The following PARG variants were observed in gnomAD, a reference collection of about 807,000 sequenced individuals.
The protein encoded by PARG is mitochondrial poly(ADP-ribose) glycohydrolase.
In PARG, 35 loss-of-function variants were observed where a neutral mutation model predicts 113.0. That is an observed-to-expected ratio of 0.31 (90% CI 0.24 to 0.41). PARG has a LOEUF of 0.41. Ranked by LOEUF, PARG falls within the 10% of genes least tolerant of loss-of-function variation. PARG has a pLI of 1.00. For missense variants in PARG, 797 were observed against 1,169.4 expected, an observed-to-expected ratio of 0.68 and a Z score of 4.64; for synonymous variants, 330 against 409.9, an observed-to-expected ratio of 0.81 and a Z score of 2.36.
Position 49,818,991 on chromosome 10 carries a change from A to C in PARG, c.*349T>G. 1 of 165,006 alleles carries C rather than the reference A, an allele frequency of 6.1e-6. No individual in the cohort carries two copies. Among genetic ancestry groups the C allele is most frequent in the African/African-American group, 2.4e-5 (1 of 42,062 alleles). The allele number at this position is 165,006 out of a possible 1,614,324, so 10.2% of individuals were successfully genotyped here. ...CTGGCATCTGCGGGCTGCAGAAGCA[A>C]CTGGTATAATATATGGGCAGGAAGA... On this transcript the variant is annotated 3_prime_UTR_variant, in exon 18 of 18. Transcript: ENST00000616448.
At chr10:49,913,921 AAAT>A (rs782740546) in intron 7 of PARG, among the ~76,000 whole-genome samples, 3 of 152,076 alleles carry the variant, frequency 2.0e-5, no homozygotes, top group Non-Finnish European at 2.9e-5. Flanking sequence ...ATAAATAAAT[AAAT>A]ATTAGAAGGT....
At chr10:49,915,820 A>G in intron 7 of PARG, 97 bp downstream of exon 7, 1 of 675,128 alleles carries the variant, frequency 1.5e-6, no homozygotes. Context: ...AAACTAAAAG[A>G]TAATTATCTT....
At chr10:49,833,085 G>T in intron 15 of PARG, 177 bp from the exon 16 acceptor site, 1 of 428,730 alleles carries the variant, frequency 2.3e-6, no homozygotes, top group Non-Finnish European at 4.2e-6. Flanking sequence ...GAAAAACCTG[G>T]GATTATGCAA....
intron 7 of PARG, among the ~76,000 whole-genome samples, chr10:49,893,462 G>C (rs1847912615): frequency 6.6e-6 from 1 of 152,046 alleles, no homozygotes; most frequent in Non-Finnish European, 1.5e-5. Flanking sequence ...CTGGATACAT[G>C]TCCCTTGTCA....
chr10:49,842,715 C>T (rs1845304428), intron 14 of PARG, among the ~76,000 whole-genome samples: 1 of 152,152 alleles, frequency 6.6e-6, no homozygotes, highest in Non-Finnish European at 1.5e-5. Flanking sequence ...TATAAACTTG[C>T]ATATATTGCT....
intron 16 of PARG, among the ~76,000 whole-genome samples, chr10:49,824,526 G>GA (rs1402319224): frequency 3.9e-5 from 6 of 152,108 alleles, no homozygotes; most frequent in African/African-American, 1.4e-4. Context: ...GTTAAGCTAT[G>GA]AAAAAATACA....
Position 49,895,214 on chromosome 10 carries a change from T to C in PARG, c.1738-9919A>G, listed in dbSNP as rs1419821271. Among the ~76,000 whole-genome samples, 10 of 152,322 alleles carry C rather than the reference T, an allele frequency of 6.6e-5. No individual in the cohort carries two copies. In the East Asian group the frequency reaches 1.5e-3, roughly 24 times the overall value. ...ATTCAACTCACCACACATACTGTCT[T>C]GTTTACTGTAGTCTTATTGTAAGTA... On this transcript the variant is annotated intron_variant, in intron 7 of 17. Transcript: ENST00000616448.
intron 1 of PARG, among the ~76,000 whole-genome samples, chr10:49,940,263 T>C (rs1391181647): frequency 1.4e-5 from 2 of 146,384 alleles, no homozygotes; most frequent in African/African-American, 5.1e-5. Context: ...ATGCTCCACT[T>C]GAGTTCCTTT....
At chr10:49,916,580 ATTTATGTAGAATGAAAAG>A in intron 6 of PARG, among the ~76,000 whole-genome samples, 1 of 152,190 alleles carries the variant, frequency 6.6e-6, no homozygotes, top group East Asian at 1.9e-4. Context: ...TAAATTACAC[ATTTATGTAGAATGAAAAG>A]TCAAAATATT....
In PARG at chr10:49,873,646, AGTT is replaced by A. The variant is rs543249482; in HGVS notation, c.1989-4094_1989-4092del. On this transcript the variant is annotated intron_variant, in intron 9 of 17. Transcript: ENST00000616448. ...AAAGACAGTATCAATGGTGATGTAC[AGTT>A]GTTGTTCCTATTATTTGCTAGCTTA... 2.7e-3 allele frequency among the ~76,000 whole-genome samples: 300 copies of A among 112,730 alleles called. 3 individuals carry two copies. Among genetic ancestry groups the A allele is most frequent in the African/African-American group, 9.3e-3 (279 of 30,128 alleles). The allele number at this position is 112,730 out of a possible 152,430, so 74.0% of individuals were successfully genotyped here. A position where few individuals can be genotyped will look rare whatever the true frequency, so the allele number is the denominator to read the frequency against.
chr10:49,927,097 A>C (rs1554850747), intron 4 of PARG, among the ~76,000 whole-genome samples: 1 of 152,004 alleles, frequency 6.6e-6, no homozygotes, highest in African/African-American at 2.4e-5. Flanking sequence ...TCACAAGGTT[A>C]AGAGATCAAG....
chr10:49,932,406 C>T (rs1554910116), intron 3 of PARG, 123 bp from the exon 4 acceptor site: 11 of 665,604 alleles, frequency 1.7e-5, no homozygotes, highest in Admixed American at 1.0e-4. Context: ...TCACTCACTT[C>T]GTTATGTATT....
intron 1 of PARG, among the ~76,000 whole-genome samples, chr10:49,940,285 T>C (rs1449455564): frequency 1.4e-5 from 2 of 145,544 alleles, no homozygotes; most frequent in Non-Finnish European, 3.0e-5. Context: ...CAATCCATTC[T>C]TTATTTTCCA....
intron 7 of PARG, among the ~76,000 whole-genome samples, chr10:49,905,051 A>G (rs1481979114): frequency 1.7e-4 from 26 of 152,254 alleles, no homozygotes; most frequent in African/African-American, 5.5e-4. Flanking sequence ...ACAGTGACAT[A>G]TGTATCCTAA....
Position 49,854,934 on chromosome 10 carries a change from A to C in PARG, c.2353+2372T>G, listed in dbSNP as rs539095403. ...TACATTATTTTAAATGTCCAGTTTT[A>C]AATGAAAATTAGAAGACATGGAAAG... On this transcript the variant is annotated intron_variant, in intron 13 of 17. Transcript: ENST00000616448. Among the ~76,000 whole-genome samples the C allele has an allele frequency of 2.2e-4, 34 of 151,708 alleles. No individual in the cohort carries two copies. In the East Asian group the frequency reaches 6.0e-3, roughly 27 times the overall value.
At chr10:49,854,674 T>A (rs1845906113) in intron 13 of PARG, among the ~76,000 whole-genome samples, 1 of 142,864 alleles carries the variant, frequency 7.0e-6, no homozygotes, top group Non-Finnish European at 1.5e-5. Flanking sequence ...AGGCTGCACC[T>A]GCACATACAG....
chr10:49,916,592 T>C (rs4838573), intron 6 of PARG, among the ~76,000 whole-genome samples: 28,852 of 151,984 alleles, frequency 0.19, 3,277 homozygotes, highest in Non-Finnish European at 0.27. Flanking sequence ...TTATGTAGAA[T>C]GAAAAGTCAA....
At chr10:49,868,388 G>A (rs1197503585) in intron 10 of PARG, among the ~76,000 whole-genome samples, 9 of 152,122 alleles carry the variant, frequency 5.9e-5, no homozygotes, top group African/African-American at 2.2e-4. Flanking sequence ...TCAGTACAGG[G>A]CACAAAACTG....
chr10:49,832,799 T>A lies in PARG; in HGVS notation c.2647+4A>T. 2.0e-6 allele frequency: 3 copies of A among 1,510,960 alleles called. No individual in the cohort carries two copies. Among genetic ancestry groups the A allele is most frequent in the Non-Finnish European group, 2.7e-6 (3 of 1,111,998 alleles). 93.6% of individuals were successfully genotyped at this position (1,510,960 alleles called of 1,614,324 possible). ...TGCTTTTATCCTTTTCTACAACAAC[T>A]TACCTTTTAACCTGGCATCACCCCC... On this transcript the variant is annotated splice_donor_region_variant and intron_variant, in intron 16 of 17. Coordinates refer to ENST00000616448, the MANE Select transcript of PARG (RefSeq NM_003631.5).
Sources: gnomAD v4.1 joint callset for allele counts (sites outside exome capture counted in the v4.1 genomes callset) on GRCh38, gnomAD v4.1.1 for gene constraint, MANE v1.5 for transcripts, NCBI Gene and HGNC (gene_info 2026-07-23, HGNC 2026-07-21) for gene names.